Variants in ATF1 observed in about 807,000 individuals in gnomAD.
The protein encoded by ATF1 is cyclic AMP-dependent transcription factor ATF-1.
In ATF1, 16 loss-of-function variants were observed where a neutral mutation model predicts 34.7. The ratio of observed to expected loss-of-function variants is 0.46; its 90% CI spans 0.31 to 0.70. ATF1 has a LOEUF of 0.70. ATF1 is among the 30% of genes least tolerant of loss of function. The pLI is 0.05. For synonymous variants in ATF1, 105 were observed against 113.1 expected, an observed-to-expected ratio of 0.93 and a Z score of 0.46; for missense variants, 255 against 321.6, an observed-to-expected ratio of 0.79 and a Z score of 1.58.
At chr12:50,811,839 A>G (rs1941744625) in intron 4 of ATF1, among the ~76,000 whole-genome samples, 1 of 152,158 alleles carries the variant, frequency 6.6e-6, no homozygotes. Flanking sequence ...TTGCAAGGAA[A>G]GAAGCTTGGG....
chr12:50,778,909 A>G (rs906653206), intron 1 of ATF1, among the ~76,000 whole-genome samples: 1 of 152,152 alleles, frequency 6.6e-6, no homozygotes, highest in Non-Finnish European at 1.5e-5. Flanking sequence ...ATTAAACAGC[A>G]GCTCTCCATT....
intron 4 of ATF1, among the ~76,000 whole-genome samples, chr12:50,810,639 A>G (rs1031693003): frequency 6.6e-5 from 10 of 152,204 alleles, no homozygotes; most frequent in African/African-American, 2.4e-4. Context: ...CCGCCAATCA[A>G]GATTGAGTTC....
chr12:50,765,672 G>A (rs1179467379), intron 1 of ATF1, among the ~76,000 whole-genome samples: 1 of 152,202 alleles, frequency 6.6e-6, no homozygotes, highest in Admixed American at 6.5e-5. Context: ...GATGAGACAA[G>A]TCAGCACAAA....
intron 1 of ATF1, among the ~76,000 whole-genome samples, chr12:50,778,425 A>G (rs755481901): frequency 4.0e-5 from 6 of 151,056 alleles, no homozygotes; most frequent in African/African-American, 1.2e-4. Flanking sequence ...TGGTTTCACC[A>G]TGTTGGCCAG....
At chr12:50,768,453 A>C (rs757895088) in intron 1 of ATF1, among the ~76,000 whole-genome samples, 34 of 152,012 alleles carry the variant, frequency 2.2e-4, no homozygotes, top group Non-Finnish European at 4.4e-4. Context: ...AACAGCCTGG[A>C]CTCCTTGGGA....
At position 50,794,096 on chromosome 12, in the gene ATF1, G is replaced by A. The variant is rs184941543; in HGVS notation, c.94-1813G>A. Among the ~76,000 whole-genome samples the A allele has an allele frequency of 5.1e-3, 777 of 151,686 alleles. 4 individuals are homozygous for A. The highest frequency in any genetic ancestry group is 0.017 in the African/African-American group (717 of 41,418). On this transcript the variant is annotated intron_variant, in intron 2 of 6. Transcript: ENST00000262053. ...CTCCCGAGTAGCTGGGACTACAGGCGCCTACCACCAGGCCCGGCTAATTTT... is the reference window on the plus strand; with the variant it reads ...CTCCCGAGTAGCTGGGACTACAGGCACCTACCACCAGGCCCGGCTAATTTT...
At chr12:50,777,511 T>C (rs1281457013) in intron 1 of ATF1, among the ~76,000 whole-genome samples, 2 of 152,308 alleles carry the variant, frequency 1.3e-5, no homozygotes, top group African/African-American at 2.4e-5. Context: ...TGTTTACTTA[T>C]ACCTGTAATC....
At chr12:50,798,285 A>G (rs1480416861) in intron 3 of ATF1, among the ~76,000 whole-genome samples, 3 of 152,042 alleles carry the variant, frequency 2.0e-5, no homozygotes, top group Non-Finnish European at 4.4e-5. Flanking sequence ...CAATAGTAAT[A>G]ATGATTAATT....
At chr12:50,803,520 A>G (rs1451518300) in intron 3 of ATF1, among the ~76,000 whole-genome samples, 1 of 151,874 alleles carries the variant, frequency 6.6e-6, no homozygotes, top group Non-Finnish European at 1.5e-5. Context: ...AAAATAGTAC[A>G]GTTGCTATGG....
intron 2 of ATF1, among the ~76,000 whole-genome samples, chr12:50,781,256 A>G (rs1323587706): frequency 2.0e-5 from 3 of 152,124 alleles, no homozygotes; most frequent in African/African-American, 7.2e-5. Flanking sequence ...TACTTTTAAT[A>G]CCTAATACTA....
At chr12:50,774,591 A>T (rs1940864188) in intron 1 of ATF1, among the ~76,000 whole-genome samples, 1 of 152,216 alleles carries the variant, frequency 6.6e-6, no homozygotes, top group Admixed American at 6.5e-5. Flanking sequence ...TTTTTAACAC[A>T]TTGTTAATCT....
At chr12:50,795,539 T>C (rs945801634) in intron 2 of ATF1, among the ~76,000 whole-genome samples, 2 of 152,230 alleles carry the variant, frequency 1.3e-5, no homozygotes, top group Non-Finnish European at 2.9e-5. Flanking sequence ...TTTTTCAAAC[T>C]TAGCATGTCA....
At chr12:50,817,255 C>A (rs934049378) in intron 6 of ATF1, among the ~76,000 whole-genome samples, 1 of 151,896 alleles carries the variant, frequency 6.6e-6, no homozygotes, top group African/African-American at 2.4e-5. Flanking sequence ...AGAATAGGTA[C>A]ATATTGAGCC....
intron 3 of ATF1, among the ~76,000 whole-genome samples, chr12:50,796,930 G>C (rs1365348538): frequency 3.9e-5 from 6 of 152,124 alleles, no homozygotes; most frequent in Non-Finnish European, 8.8e-5. Flanking sequence ...TAAAAAACGT[G>C]TCTGTGTAGC....
chr12:50,819,484 T>C, intron 6 of ATF1, 151 bp from the exon 7 acceptor site: 2 of 901,270 alleles, frequency 2.2e-6, no homozygotes, highest in East Asian at 2.7e-5. Context: ...CAAAACTGAC[T>C]GAATTCTACA....
chr12:50,798,892 T>C (rs184509150), intron 3 of ATF1, among the ~76,000 whole-genome samples: 19 of 152,338 alleles, frequency 1.2e-4, no homozygotes, highest in African/African-American at 4.3e-4. Context: ...CCCTAGCATA[T>C]GTAGACTTTT....
chr12:50,816,835 G>C (rs1190667965), intron 6 of ATF1, among the ~76,000 whole-genome samples: 1 of 151,946 alleles, frequency 6.6e-6, no homozygotes, highest in Non-Finnish European at 1.5e-5. Flanking sequence ...CTTCAGCCTG[G>C]GCAACAGAGC....
At chr12:50,781,307 AAC>A (rs567604471) in intron 2 of ATF1, among the ~76,000 whole-genome samples, 97 of 152,156 alleles carry the variant, frequency 6.4e-4, no homozygotes, top group Non-Finnish European at 1.2e-3. Flanking sequence ...TGACAAGAAA[AAC>A]AGTCGGTACA....
intron 3 of ATF1, among the ~76,000 whole-genome samples, chr12:50,803,458 A>T (rs2139680818): frequency 6.6e-6 from 1 of 152,022 alleles, no homozygotes; most frequent in East Asian, 1.9e-4. Context: ...TGGTGATGAT[A>T]TGGAGAAATT....
Sources: allele counts gnomAD v4.1 joint callset (sites outside exome capture counted in the v4.1 genomes callset), GRCh38; gene constraint gnomAD v4.1.1; transcripts MANE v1.5; gene names NCBI Gene and HGNC (gene_info 2026-07-23, HGNC 2026-07-21).